The following PTPRS variants were observed in gnomAD, a reference collection of about 807,000 sequenced individuals.
PTPRS encodes the protein protein tyrosine phosphatase receptor type S.
A neutral mutation model predicts 215.3 loss-of-function variants in PTPRS; 63 were observed. That is an observed-to-expected ratio of 0.29 (90% CI 0.24 to 0.36). The LOEUF (loss-of-function observed/expected upper bound fraction) is 0.36, where lower values mean the gene tolerates loss of function less well. PTPRS is among the 10% of genes least tolerant of loss of function. PTPRS has a pLI of 1.00. For synonymous variants in PTPRS, 1,404 were observed against 1,191.4 expected (o/e 1.18, Z -3.68); for missense variants, 2,258 against 2,825.8 (o/e 0.80, Z 4.56).
intron 1 of PTPRS, among the ~76,000 whole-genome samples, chr19:5,298,923 C>T (rs1450890262): frequency 2.0e-5 from 3 of 152,206 alleles, no homozygotes; most frequent in South Asian, 2.1e-4. Context: ...TTTCCTCCCT[C>T]ACCCCATATG....
chr19:5,287,337 T>C lies in PTPRS; in HGVS notation c.-94-1103A>G, dbSNP rs773498118. The stretch of plus-strand genomic sequence containing the variant: ...AGGTTATCCTCCGTGGTATTCACCC[T>C]GGTTCCCAAACTAAATGAAAAGATG... On this transcript the variant is annotated intron_variant, in intron 1 of 37. Transcript: ENST00000262963. The surrounding 1 kb of genome is among the most constrained non-coding windows in gnomAD (Gnocchi z 4.8). Among the ~76,000 whole-genome samples the C allele has an allele frequency of 8.5e-5, 13 of 152,210 alleles. No individual in the cohort carries two copies. The highest frequency in any genetic ancestry group is 1.5e-4 in the Non-Finnish European group (10 of 68,038).
intron 1 of PTPRS, among the ~76,000 whole-genome samples, chr19:5,301,582 C>G (rs1485980399): frequency 6.6e-6 from 1 of 151,798 alleles, no homozygotes; most frequent in African/African-American, 2.4e-5. Flanking sequence ...TCCCAAAGTG[C>G]CAGGATTACA....
intron 19 of PTPRS, 26 bp from the exon 20 acceptor site, chr19:5,221,279 G>A (rs991552421): frequency 6.3e-7 from 1 of 1,596,298 alleles, no homozygotes. Flanking sequence ...AGCTCAGCAG[G>A]GCCTGGTGGG....
At chr19:5,263,015 G>C in intron 5 of PTPRS, 43 bp from the exon 6 acceptor site, 5 of 1,299,780 alleles carry the variant, frequency 3.8e-6, no homozygotes, top group Non-Finnish European at 5.1e-6. Flanking sequence ...GAACAGGAAC[G>C]TTAACGGGTG....
At chr19:5,290,657 C>T (rs2048738660) in intron 1 of PTPRS, among the ~76,000 whole-genome samples, 1 of 152,092 alleles carries the variant, frequency 6.6e-6, no homozygotes, top group Admixed American at 6.5e-5. Flanking sequence ...CCATGCTGCC[C>T]TGTCCTGGGG....
chr19:5,229,633 G>C lies in PTPRS; in HGVS notation c.2207C>G (p.Ala736Gly). The C allele has an allele frequency of 7.4e-7, 1 of 1,354,574 alleles. No individual in the cohort carries two copies. Among genetic ancestry groups the C allele is most frequent in the South Asian group, 1.9e-5 (1 of 53,488 alleles). The allele number at this position is 1,354,574 out of a possible 1,614,324, so 83.9% of individuals were successfully genotyped here. Residue 736 changes from alanine (A) to glycine (G), a missense_variant, in exon 15 of 38, where the codon GCC (alanine) becomes GGC (glycine). This residue lies in a region of PTPRS where 371 missense variants were observed against 446.7 expected (regional missense o/e 0.83). Coordinates refer to ENST00000262963, the MANE Select transcript of PTPRS (RefSeq NM_002850.4). ...GGGCGAGCGCCACAGCACGCGGATG[G>C]CCGTGGCGTTGAGCGCCTCCGCCTC... ...KVEAEALNAT[A>G]IRVLWRSPAP...
chr19:5,209,132 C>T (rs576792637), intron 35 of PTPRS, among the ~76,000 whole-genome samples: 10 of 152,294 alleles, frequency 6.6e-5, no homozygotes, highest in Admixed American at 4.6e-4. Context: ...TTCCATCATC[C>T]ACCACCATCC....
chr19:5,236,711 C>G (rs918997746), intron 13 of PTPRS, among the ~76,000 whole-genome samples: 2 of 152,112 alleles, frequency 1.3e-5, no homozygotes, highest in African/African-American at 4.8e-5. Context: ...ACTAGAGAGA[C>G]CCTCCGGCCT....
chr19:5,228,164 A>C (rs753636258), intron 16 of PTPRS, among the ~76,000 whole-genome samples: 23 of 151,452 alleles, frequency 1.5e-4, no homozygotes, highest in Non-Finnish European at 2.8e-4. Flanking sequence ...ATGTGGGACC[A>C]GTGCCTGTTT....
chr19:5,331,723 C>T (rs1026298689), intron 1 of PTPRS, among the ~76,000 whole-genome samples: 9 of 152,176 alleles, frequency 5.9e-5, no homozygotes, highest in African/African-American at 1.9e-4. Context: ...ACAGAAAGAA[C>T]GAGGGATGGA....
Position 5,219,173 on chromosome 19 carries a change from C to T in PTPRS, c.3923+137G>A, listed in dbSNP as rs2145276519. On this transcript the variant is annotated intron_variant, in intron 23 of 37. Transcript: ENST00000262963. ...ATGCTGTGTGACCTTGATCAAGTGG[C>T]TTAACCTCTCTGAACTTCGGTTTCC... 11 of 1,220,500 alleles carry T rather than the reference C, an allele frequency of 9.0e-6. No individual in the cohort carries two copies. The South Asian group carries it at 1.5e-4, about 16-fold the overall frequency. The allele number at this position is 1,220,500 out of a possible 1,614,324, so 75.6% of individuals were successfully genotyped here.
intron 1 of PTPRS, among the ~76,000 whole-genome samples, chr19:5,317,550 G>C (rs2147194132): frequency 6.6e-6 from 1 of 152,336 alleles, no homozygotes; most frequent in Non-Finnish European, 1.5e-5. Flanking sequence ...ACACAGCTAG[G>C]AAAGAGGTGA....
At chr19:5,299,239 C>T (rs577542707) in intron 1 of PTPRS, among the ~76,000 whole-genome samples, 25 of 152,308 alleles carry the variant, frequency 1.6e-4, no homozygotes, top group African/African-American at 5.5e-4. Flanking sequence ...CAAGGCCCTG[C>T]ATGACCTGCT....
In PTPRS at chr19:5,273,424, C is replaced by A; in HGVS notation, c.379+18G>T. The A allele has an allele frequency of 6.2e-7, 1 of 1,614,118 alleles. No homozygotes were observed. Among genetic ancestry groups the A allele is most frequent in the Non-Finnish European group, 8.5e-7 (1 of 1,180,016 alleles). The stretch of plus-strand genomic sequence containing the variant: ...CAGGGCCCAGTTTATCCTCCGCCCG[C>A]CCTGAGGAGCCCAATACCTCGGAGG... On this transcript the variant is annotated intron_variant, in intron 4 of 37. Coordinates refer to ENST00000262963, the MANE Select transcript of PTPRS (RefSeq NM_002850.4).
intron 16 of PTPRS, among the ~76,000 whole-genome samples, chr19:5,227,836 CA>C (rs1403461315): frequency 3.3e-5 from 5 of 152,100 alleles, no homozygotes; most frequent in African/African-American, 1.2e-4. Context: ...AGTGCTCGTC[CA>C]ATGAATGACA....
rs2049014707 is a variant in PTPRS, at chr19:5,293,493, A to G, written c.-94-7259T>C. ...GAAGGGGCGCCCCAGGGAGGGCACG[A>G]CCCAAGACCCCTCCCTCCCGAAGAC... On this transcript the variant is annotated intron_variant, in intron 1 of 37. Transcript: ENST00000262963. The surrounding 1 kb of genome is among the most constrained non-coding windows in gnomAD (Gnocchi z 8.4). Among the ~76,000 whole-genome samples, 1 of 151,862 alleles carries G rather than the reference A, an allele frequency of 6.6e-6. No individual in the cohort carries two copies. The highest frequency in any genetic ancestry group is 2.4e-5 in the African/African-American group (1 of 41,334).
intron 5 of PTPRS, 26 bp from the exon 6 acceptor site, chr19:5,262,998 G>A: frequency 3.1e-6 from 4 of 1,308,990 alleles, no homozygotes; most frequent in Middle Eastern, 2.2e-4. Flanking sequence ...AGGAGGATAA[G>A]AAAAGAGAAC....
intron 1 of PTPRS, among the ~76,000 whole-genome samples, chr19:5,321,170 G>A (rs984503017): frequency 6.6e-5 from 10 of 152,150 alleles, no homozygotes; most frequent in African/African-American, 2.4e-4. Context: ...CTGCTCAGGG[G>A]GCTGAGGCAG....
intron 2 of PTPRS, chr19:5,277,698 G>A: frequency 1.7e-6 from 1 of 582,026 alleles, no homozygotes; most frequent in Non-Finnish European, 3.1e-6. Context: ...CCTCGGCGCT[G>A]CCTAAGGAGG....
Sources: allele counts gnomAD v4.1 joint callset (sites outside exome capture counted in the v4.1 genomes callset), GRCh38; gene constraint gnomAD v4.1.1; regional missense constraint gnomAD v4.1.1; non-coding constraint Gnocchi (gnomAD v3.1); transcripts MANE v1.5; gene names NCBI Gene and HGNC (gene_info 2026-07-23, HGNC 2026-07-21).